The following NTNG1 variants were observed in gnomAD, a reference collection of about 807,000 sequenced individuals.
The protein encoded by NTNG1 is netrin-G1.
A neutral mutation model predicts 54.0 loss-of-function variants in NTNG1; 16 were observed. The observed-to-expected ratio is 0.30, with a 90% CI of 0.20 to 0.45. The LOEUF is 0.45. Among genes scored for constraint, NTNG1 ranks in the 20% least tolerant of loss-of-function variants. The pLI is 1.00. For missense variants in NTNG1, 530 were observed against 678.7 expected (o/e 0.78, Z 2.43); for synonymous variants, 255 against 263.1 (o/e 0.97, Z 0.30).
chr1:107,365,366 A>T (rs1035854955), intron 3 of NTNG1, among the ~76,000 whole-genome samples: 2 of 152,212 alleles, frequency 1.3e-5, no homozygotes, highest in African/African-American at 4.8e-5. Context: ...AGGGTCACCA[A>T]TGTGGTGAAT....
chr1:107,190,424 T>A (rs560650214), intron 2 of NTNG1, among the ~76,000 whole-genome samples: 133 of 152,256 alleles, frequency 8.7e-4, no homozygotes, highest in East Asian at 2.1e-3. Flanking sequence ...ATCATTTTTT[T>A]AAAAATTTTA....
intron 4 of NTNG1, among the ~76,000 whole-genome samples, chr1:107,399,863 G>A (rs1443958651): frequency 6.6e-6 from 1 of 152,030 alleles, no homozygotes; most frequent in Admixed American, 6.6e-5. Context: ...ATGCCTATTT[G>A]AACAAGTCAG....
intron 2 of NTNG1, among the ~76,000 whole-genome samples, chr1:107,176,848 C>G (rs1352991179): frequency 6.6e-6 from 1 of 152,088 alleles, no homozygotes; most frequent in Admixed American, 6.5e-5. Flanking sequence ...TAGTCTAAAG[C>G]AAGGTTTCTC....
At chr1:107,456,842 T>C (rs1395074973) in intron 7 of NTNG1, among the ~76,000 whole-genome samples, 1 of 152,234 alleles carries the variant, frequency 6.6e-6, no homozygotes, top group Non-Finnish European at 1.5e-5. Flanking sequence ...TATTACCAGA[T>C]ACTCTGTCAT....
At chr1:107,259,055 T>C (rs969434370) in intron 2 of NTNG1, among the ~76,000 whole-genome samples, 4 of 152,182 alleles carry the variant, frequency 2.6e-5, no homozygotes, top group African/African-American at 9.7e-5. Context: ...ATTTGATTGA[T>C]AATAGAGGCA....
rs17018944 is a variant in NTNG1 at position 107,412,806 on chromosome 1, A to G, written c.1087+5098A>G. On this transcript the variant is annotated intron_variant, in intron 5 of 7. Coordinates refer to ENST00000370068, the MANE Select transcript of NTNG1 (RefSeq NM_001113226.3). ...ATTGAGGAAGAGGGAAAATGTATAG[A>G]TGTCAGGTATTTTATAGAACATGGA... 0.012 allele frequency among the ~76,000 whole-genome samples: 1,810 copies of G among 152,300 alleles called. 90 individuals are homozygous for G. In the East Asian group the frequency reaches 0.17, roughly 15 times the overall value.
intron 2 of NTNG1, among the ~76,000 whole-genome samples, chr1:107,180,693 A>G (rs568934151): frequency 1.2e-4 from 19 of 152,262 alleles, no homozygotes; most frequent in African/African-American, 4.1e-4. Context: ...ATTGCTCCTT[A>G]ACTCAGAGGC....
chr1:107,227,854 A>G (rs2101510897), intron 2 of NTNG1, among the ~76,000 whole-genome samples: 1 of 152,284 alleles, frequency 6.6e-6, no homozygotes, highest in Non-Finnish European at 1.5e-5. Context: ...TGAAATTTCA[A>G]CAGAACGTCA....
At chr1:107,235,571 A>T (rs1331107793) in intron 2 of NTNG1, among the ~76,000 whole-genome samples, 2 of 152,172 alleles carry the variant, frequency 1.3e-5, no homozygotes, top group African/African-American at 4.8e-5. Flanking sequence ...TCTCATGGTG[A>T]AGCTTCCATC....
intron 3 of NTNG1, among the ~76,000 whole-genome samples, chr1:107,332,653 G>A (rs1006766332): frequency 3.3e-5 from 5 of 151,998 alleles, no homozygotes; most frequent in African/African-American, 1.2e-4. Flanking sequence ...AGACCTATGT[G>A]ATCAATGGTT....
chr1:107,262,487 A>G (rs1271487578), intron 2 of NTNG1, among the ~76,000 whole-genome samples: 2 of 152,338 alleles, frequency 1.3e-5, no homozygotes, highest in Middle Eastern at 3.4e-3. Context: ...CGAGTGATCA[A>G]CGAAGGAGTT....
chr1:107,345,429 T>C (rs900637830), intron 3 of NTNG1, among the ~76,000 whole-genome samples: 9 of 152,320 alleles, frequency 5.9e-5, no homozygotes, highest in African/African-American at 2.2e-4. Flanking sequence ...GGCAATGTGC[T>C]CAGCAGGTCA....
Position 107,366,543 on chromosome 1 carries a change from G to GT in NTNG1, c.888-28609dup. On this transcript the variant is annotated intron_variant, in intron 3 of 7. Transcript: ENST00000370068. Reference sequence around the variant, plus strand: ...GGGCTACAGAATGCCAGCATGTTGGGTTATAGCTCTGTAGACAAAAACTAT... The same window carrying GT: ...GGGCTACAGAATGCCAGCATGTTGGGTTTATAGCTCTGTAGACAAAAACTAT... 2.0e-5 allele frequency among the ~76,000 whole-genome samples: 3 copies of GT among 152,298 alleles called. No homozygotes were observed. The East Asian group carries it at 5.8e-4, about 29-fold the overall frequency.
chr1:107,350,515 AGT>A (rs1395871263), intron 3 of NTNG1, among the ~76,000 whole-genome samples: 2 of 152,228 alleles, frequency 1.3e-5, no homozygotes, highest in African/African-American at 4.8e-5. Context: ...AATTAAAATC[AGT>A]GTCTCAAAGA....
intron 3 of NTNG1, among the ~76,000 whole-genome samples, chr1:107,333,349 T>C (rs886301078): frequency 6.6e-6 from 1 of 152,026 alleles, no homozygotes; most frequent in Admixed American, 6.6e-5. Flanking sequence ...ACTATTTTAC[T>C]GTTTCTCAGG....
At chr1:107,379,503 GC>G (rs1047983065) in intron 3 of NTNG1, among the ~76,000 whole-genome samples, 39 of 152,222 alleles carry the variant, frequency 2.6e-4, no homozygotes, top group African/African-American at 8.9e-4. Flanking sequence ...ATCCTAAGCT[GC>G]CAGCCATATA....
chr1:107,328,469 G>A (rs941976614), intron 3 of NTNG1, among the ~76,000 whole-genome samples: 2 of 152,110 alleles, frequency 1.3e-5, no homozygotes, highest in Admixed American at 6.6e-5. Flanking sequence ...GGCCAAAAAG[G>A]TCATCTAATG....
chr1:107,463,080 C>T (rs144953613), intron 7 of NTNG1, among the ~76,000 whole-genome samples: 36 of 152,326 alleles, frequency 2.4e-4, no homozygotes, highest in African/African-American at 8.4e-4. Flanking sequence ...TTCTCCCCTC[C>T]CTTTCCTCAT....
At chr1:107,162,336 A>T (rs1373876932) in intron 2 of NTNG1, among the ~76,000 whole-genome samples, 1 of 152,094 alleles carries the variant, frequency 6.6e-6, no homozygotes, top group Non-Finnish European at 1.5e-5. Context: ...TGTCGTGTTT[A>T]TTGATATGCT....
Sources: gnomAD v4.1 joint callset for allele counts (sites outside exome capture counted in the v4.1 genomes callset) on GRCh38, gnomAD v4.1.1 for gene constraint, MANE v1.5 for transcripts, NCBI Gene and HGNC (gene_info 2026-07-23, HGNC 2026-07-21) for gene names.